The following RBPJ variants were observed in gnomAD, a reference collection of about 807,000 sequenced individuals.
RBPJ encodes recombining binding protein suppressor of hairless.
A neutral mutation model predicts 67.8 loss-of-function variants in RBPJ; 9 were observed. The ratio of observed to expected loss-of-function variants is 0.13; its 90% CI spans 0.08 to 0.23. The LOEUF (loss-of-function observed/expected upper bound fraction) is 0.23. Among genes scored for constraint, RBPJ ranks in the 10% least tolerant of loss-of-function variants. The pLI, the probability that RBPJ is intolerant of heterozygous loss-of-function variation, is 1.00. For synonymous variants in RBPJ, 198 were observed against 203.3 expected, an observed-to-expected ratio of 0.97 and a Z score of 0.22; for missense variants, 305 against 595.6, an observed-to-expected ratio of 0.51 and a Z score of 5.08.
intron 1 of RBPJ, among the ~76,000 whole-genome samples, chr4:26,189,129 A>T (rs923902368): frequency 2.6e-5 from 4 of 152,206 alleles, no homozygotes; most frequent in African/African-American, 9.7e-5. Context: ...AGGTGGAAGG[A>T]TCACATGAGG....
At chr4:26,106,784 G>A in the RBPJ span, among the ~76,000 whole-genome samples, 1 of 152,114 alleles carries the variant, frequency 6.6e-6, no homozygotes, top group Admixed American at 6.6e-5. Flanking sequence ...TCTGCAGCTG[G>A]ACTCTGACCA....
chr4:26,361,916 CGTCT>C (rs1048477633), intron 1 of RBPJ, among the ~76,000 whole-genome samples: 2 of 152,118 alleles, frequency 1.3e-5, no homozygotes, highest in African/African-American at 4.8e-5. Flanking sequence ...GATGGTTAGC[CGTCT>C]GTCTGTTCAT....
chr4:26,332,221 TAAAA>T (rs562758027), intron 1 of RBPJ, among the ~76,000 whole-genome samples: 1,623 of 146,596 alleles, frequency 0.011, 14 homozygotes, highest in Middle Eastern at 0.017. Context: ...ATTGTAATGT[TAAAA>T]AAAAAAAGAC....
chr4:26,175,274 C>T lies in RBPJ; in HGVS notation c.-167+11660C>T, dbSNP rs1264171354. On this transcript the variant is annotated intron_variant, in intron 1 of 4. Coordinates refer to the RBPJ transcript ENST00000512351. The stretch of plus-strand genomic sequence containing the variant: ...GATGCTCAGAGGAGGGAAATTATAC[C>T]CTGAGGTTCTGAGGGCTCCTGGGCA... Among the ~76,000 whole-genome samples, 4 of 152,188 alleles carry T rather than the reference C, an allele frequency of 2.6e-5. No homozygotes were observed. The East Asian group carries it at 5.8e-4, about 22-fold the overall frequency.
upstream of RBPJ, chr4:26,320,665 TCGTCCC>T (rs1378292411): frequency 2.1e-6 from 3 of 1,447,096 alleles, no homozygotes; most frequent in Non-Finnish European, 2.8e-6. Flanking sequence ...CCTCCATTCC[TCGTCCC>T]CGTAGTAATC....
intron 1 of RBPJ, among the ~76,000 whole-genome samples, chr4:26,287,832 AAAG>A (rs1352806229): frequency 6.6e-6 from 1 of 151,664 alleles, no homozygotes; most frequent in East Asian, 1.9e-4. Flanking sequence ...AAAGAAGGAG[AAAG>A]AAGAACTCCA....
intron 1 of RBPJ, among the ~76,000 whole-genome samples, chr4:26,233,305 T>C (rs939449459): frequency 6.6e-6 from 1 of 152,262 alleles, no homozygotes; most frequent in Non-Finnish European, 1.5e-5. Flanking sequence ...GAGGCATTTA[T>C]ACAACCCACA....
rs76778484 is a variant in RBPJ at position 26,260,657 on chromosome 4, G to A, written c.-167+97043G>A. Among the ~76,000 whole-genome samples, 1,457 of 152,230 alleles carry A rather than the reference G, an allele frequency of 9.6e-3. 52 individuals are homozygous for A. Among genetic ancestry groups the A allele is most frequent in the Admixed American group, 0.077 (1,179 of 15,282 alleles). ...ATAAGGGAATGGAAATAATAATACCGTGCAGTTGCAGATTATTTTGTATGT... is the reference window on the plus strand; with the variant it reads ...ATAAGGGAATGGAAATAATAATACCATGCAGTTGCAGATTATTTTGTATGT... On this transcript the variant is annotated intron_variant, in intron 1 of 4. Transcript: ENST00000512351.
intron 5 of RBPJ, among the ~76,000 whole-genome samples, chr4:26,423,979 T>C (rs2109817504): frequency 6.6e-6 from 1 of 152,270 alleles, no homozygotes; most frequent in Non-Finnish European, 1.5e-5. Flanking sequence ...TCCAGGAAAA[T>C]ATTTTCTTAT....
chr4:26,119,578 C>T, the RBPJ span, among the ~76,000 whole-genome samples: 1 of 152,172 alleles, frequency 6.6e-6, no homozygotes, highest in African/African-American at 2.4e-5. Context: ...AAGGCACTAG[C>T]CCCCTCCTTC....
chr4:26,201,731 G>A (rs1321293206), intron 1 of RBPJ, among the ~76,000 whole-genome samples: 1 of 152,112 alleles, frequency 6.6e-6, no homozygotes, highest in Non-Finnish European at 1.5e-5. Context: ...TTTTTCTAAC[G>A]TTCTAAACCA....
At chr4:26,162,870 G>A (rs16878139), upstream of RBPJ, among the ~76,000 whole-genome samples, 1,499 of 152,312 alleles carry the variant, frequency 9.8e-3, 26 homozygotes, top group African/African-American at 0.033. Flanking sequence ...TCTGGAGGAA[G>A]AGCGGCAGGG....
chr4:26,297,322 T>TA (rs1721908536), intron 1 of RBPJ, among the ~76,000 whole-genome samples: 1 of 148,806 alleles, frequency 6.7e-6, no homozygotes, highest in Non-Finnish European at 1.5e-5. Context: ...CAAATAAATT[T>TA]AAAAAATCAC....
intron 2 of RBPJ, among the ~76,000 whole-genome samples, chr4:26,396,668 G>A (rs1176776185): frequency 6.6e-6 from 1 of 152,238 alleles, no homozygotes; most frequent in Non-Finnish European, 1.5e-5. Flanking sequence ...TGGGAGGCGG[G>A]GAGGGGAAAA....
intron 1 of RBPJ, among the ~76,000 whole-genome samples, chr4:26,190,763 C>T (rs1475242646): frequency 6.6e-6 from 1 of 152,068 alleles, no homozygotes; most frequent in East Asian, 1.9e-4. Flanking sequence ...AGTAAGCTGT[C>T]AATCAATGCC....
intron 1 of RBPJ, among the ~76,000 whole-genome samples, chr4:26,345,804 C>T (rs1051651053): frequency 3.9e-5 from 6 of 152,122 alleles, no homozygotes; most frequent in African/African-American, 4.8e-5. Flanking sequence ...TACCCCATCC[C>T]GTACTTTGAG....
At chr4:26,279,530 C>T (rs1387320983) in intron 1 of RBPJ, among the ~76,000 whole-genome samples, 1 of 152,218 alleles carries the variant, frequency 6.6e-6, no homozygotes, top group African/African-American at 2.4e-5. Flanking sequence ...CCCGCCTCGG[C>T]CTCCCAAAGC....
At chr4:26,379,305 T>TCCTCCTGCCTCAG (rs1730081138) in intron 1 of RBPJ, among the ~76,000 whole-genome samples, 1 of 152,058 alleles carries the variant, frequency 6.6e-6, no homozygotes, top group Non-Finnish European at 1.5e-5. Context: ...TCTCAAGCAG[T>TCCTCCTGCCTCAG]CCTCCTGCCT....
chr4:26,414,525 A>G (rs542669696), intron 3 of RBPJ, among the ~76,000 whole-genome samples: 132 of 152,266 alleles, frequency 8.7e-4, no homozygotes, highest in Middle Eastern at 3.4e-3. Flanking sequence ...TTATGTGGCT[A>G]CTATAGTTAA....
Sources: gnomAD v4.1 joint callset for allele counts (sites outside exome capture counted in the v4.1 genomes callset) on GRCh38, gnomAD v4.1.1 for gene constraint, MANE v1.5 for transcripts, NCBI Gene and HGNC (gene_info 2026-07-23, HGNC 2026-07-21) for gene names.